The following PIEZO1 variants were observed in gnomAD, a reference collection of about 807,000 sequenced individuals.
The protein encoded by PIEZO1 is piezo type mechanosensitive ion channel component 1 (Er blood group), also known as piezo-type mechanosensitive ion channel component 1.
PIEZO1 carries 296 observed loss-of-function variants against 297.2 expected under a neutral mutation model. That is an observed-to-expected ratio of 1.00 (90% CI 0.91 to 1.10). The LOEUF (loss-of-function observed/expected upper bound fraction) is 1.10. Ranked by LOEUF, PIEZO1 falls within the 50% of genes least tolerant of loss-of-function variation. The probability of loss-of-function intolerance (pLI) is 0.00; values close to 1 mark genes in which losing one functional copy is unlikely to be tolerated. For synonymous variants in PIEZO1, 2,427 were observed against 1,507.5 expected, an observed-to-expected ratio of 1.61 and a Z score of -14.13; for missense variants, 5,018 against 3,455.5, an observed-to-expected ratio of 1.45 and a Z score of -11.34.
chr16:88,757,796 A>G (rs1368562254), intron 1 of PIEZO1, among the ~76,000 whole-genome samples: 1 of 152,118 alleles, frequency 6.6e-6, no homozygotes, highest in African/African-American at 2.4e-5. Context: ...CACCCCACAG[A>G]CAGGCGAACT....
chr16:88,726,644 C>G lies in PIEZO1; in HGVS notation c.3700-1G>C. 1.5e-6 allele frequency: 2 copies of G among 1,358,598 alleles called. No individual in the cohort carries two copies. Among genetic ancestry groups the G allele is most frequent in the East Asian group, 4.6e-5 (1 of 21,540 alleles). 84.2% of individuals were successfully genotyped at this position (1,358,598 alleles called of 1,614,324 possible). ...GCTCCACGAAGACGCAGGCCAGGAG[C>G]TGGGGGAGAGCAGGGTCAGCGGGGC... On this transcript the variant is annotated splice_acceptor_variant, in intron 25 of 50. Transcript: ENST00000301015. LOFTEE classifies it high-confidence loss of function.
intron 1 of PIEZO1, among the ~76,000 whole-genome samples, chr16:88,779,241 G>A (rs970232389): frequency 1.3e-5 from 2 of 152,046 alleles, no homozygotes; most frequent in Non-Finnish European, 2.9e-5. Context: ...GTTTTGCCAT[G>A]TTGGTCAGGC....
rs892156464 is a variant in PIEZO1 at position 88,785,068 on chromosome 16, C to A, written c.-104G>T. The A allele has an allele frequency of 1.3e-5, 8 of 612,380 alleles. No homozygotes were observed. In the African/African-American group the frequency reaches 1.6e-4, roughly 12 times the overall value. The allele number at this position is 612,380 out of a possible 1,614,324, so 37.9% of individuals were successfully genotyped here. A position where few individuals can be genotyped will look rare whatever the true frequency, so the allele number is the denominator to read the frequency against. On this transcript the variant is annotated 5_prime_UTR_variant, in exon 1 of 51. Coordinates refer to ENST00000301015, the MANE Select transcript of PIEZO1 (RefSeq NM_001142864.4). The stretch of plus-strand genomic sequence containing the variant: ...CGCGCCATGGCTGACCCGCGGGGAC[C>A]CGCGCGCCGCCTTCTCCTCTTCCTC...
chr16:88,763,649 C>T lies in PIEZO1; in HGVS notation c.65-14170G>A, dbSNP rs555821513. On this transcript the variant is annotated intron_variant, in intron 1 of 50. Transcript: ENST00000301015. Reference sequence around the variant, plus strand: ...GGTCAGGGCAGCACTGGGTAACAGCCGGTAGGTGCTCCCTGACACTCTCTG... The same window carrying T: ...GGTCAGGGCAGCACTGGGTAACAGCTGGTAGGTGCTCCCTGACACTCTCTG... Among the ~76,000 whole-genome samples, 6 of 152,298 alleles carry T rather than the reference C, an allele frequency of 3.9e-5. No individual in the cohort carries two copies. In the South Asian group the frequency reaches 6.2e-4, roughly 16 times the overall value.
chr16:88,748,292 G>A (rs1023357862), intron 2 of PIEZO1, among the ~76,000 whole-genome samples: 4 of 7,816 alleles, frequency 5.1e-4, no homozygotes, highest in Non-Finnish European at 7.9e-4. Flanking sequence ...CTCCTAAAAC[G>A]TGGGCACAAA....
In PIEZO1 at chr16:88,716,063, C is replaced by T; in HGVS notation, c.7186G>A (p.Gly2396Arg). 6.5e-7 allele frequency: 1 copy of T among 1,550,192 alleles called. No individual in the cohort carries two copies. Among genetic ancestry groups the T allele is most frequent in the Non-Finnish European group, 8.7e-7 (1 of 1,146,878 alleles). Residue 2396 changes from glycine to arginine, a missense_variant, in exon 50 of 51, where the codon GGG becomes AGG. By Grantham distance (125) the Gly-to-Arg change is moderately radical. Coordinates refer to ENST00000301015, the MANE Select transcript of PIEZO1 (RefSeq NM_001142864.4). ...RIQLRREQGA[G>R]ATGFLEWWVI... ...CACCATTCGAGGAAGCCGGTGGCCC[C>T]CGCACCCTGCTCCCTCCGCAGCTGG... is the stretch of plus-strand genomic sequence containing the variant.
chr16:88,780,386 G>C (rs949342225), intron 1 of PIEZO1, among the ~76,000 whole-genome samples: 1 of 139,326 alleles, frequency 7.2e-6, no homozygotes, highest in Non-Finnish European at 1.6e-5. Context: ...GGATGTGGGT[G>C]GGGGTAGGGG....
chr16:88,763,397 G>A (rs1907019314), intron 1 of PIEZO1, among the ~76,000 whole-genome samples: 1 of 152,218 alleles, frequency 6.6e-6, no homozygotes, highest in South Asian at 2.1e-4. Context: ...AGTAGCAGTG[G>A]GCCAGGTATG....
At chr16:88,778,274 G>T (rs572284687) in intron 1 of PIEZO1, among the ~76,000 whole-genome samples, 1 of 152,098 alleles carries the variant, frequency 6.6e-6, no homozygotes, top group Non-Finnish European at 1.5e-5. Context: ...GCCCATTTTA[G>T]CCGCCCATCC....
In PIEZO1 at chr16:88,742,679, A is replaced by G. The variant is rs1163211086; in HGVS notation, c.161-257T>C. The G allele has an allele frequency of 2.5e-5, 12 of 488,096 alleles. No individual in the cohort carries two copies. In the Admixed American group the frequency reaches 3.4e-4, roughly 14 times the overall value. 30.2% of individuals were successfully genotyped at this position (488,096 alleles called of 1,614,324 possible). ...TGGGCCTGGGGCCCACAGGCAGGAAAAGGCCTCCCAGGCTCAGAGGAAACC... is the reference window on the plus strand; with the variant it reads ...TGGGCCTGGGGCCCACAGGCAGGAAGAGGCCTCCCAGGCTCAGAGGAAACC... On this transcript the variant is annotated intron_variant, in intron 2 of 50. Coordinates refer to ENST00000301015, the MANE Select transcript of PIEZO1 (RefSeq NM_001142864.4).
In PIEZO1 at chr16:88,715,817, C is replaced by A. The variant is rs531058403; in HGVS notation, c.7354G>T (p.Gly2452Cys). 2.6e-5 allele frequency: 41 copies of A among 1,550,170 alleles called. No individual in the cohort carries two copies. Among genetic ancestry groups the A allele is most frequent in the Non-Finnish European group, 3.1e-5 (36 of 1,146,960 alleles). ...GLYVSIVLVIGKFVRGFFSEI... is the reference protein window; with the variant it reads ...GLYVSIVLVICKFVRGFFSEI... ...CTGAAGAATCCGCGCACGAACTTGCCGATGACCAGCACGATGGACACGTAC... is the reference window on the plus strand; with the variant it reads ...CTGAAGAATCCGCGCACGAACTTGCAGATGACCAGCACGATGGACACGTAC... The change falls in exon 51 of 51, where the codon GGC (glycine) becomes TGC (cysteine). Residue 2452 changes from glycine to cysteine, a missense_variant. Coordinates refer to ENST00000301015, the MANE Select transcript of PIEZO1 (RefSeq NM_001142864.4).
chr16:88,775,813 G>C (rs1907636175), intron 1 of PIEZO1, among the ~76,000 whole-genome samples: 1 of 152,080 alleles, frequency 6.6e-6, no homozygotes, highest in Non-Finnish European at 1.5e-5. Context: ...GTATGTGCAG[G>C]AGGCTGGCTG....
chr16:88,772,509 A>G (rs1051580329), intron 1 of PIEZO1, among the ~76,000 whole-genome samples: 11 of 152,188 alleles, frequency 7.2e-5, no homozygotes, highest in Admixed American at 6.5e-4. Context: ...GGCAGGGCAC[A>G]GTGGCTCACG....
intron 44 of PIEZO1, 193 bp from the exon 45 acceptor site, chr16:88,717,404 G>A (rs1567657735): frequency 6.2e-6 from 4 of 649,694 alleles, no homozygotes; most frequent in Admixed American, 4.5e-5. Flanking sequence ...CATGTTCAGG[G>A]GTCGTTGATC....
intron 1 of PIEZO1, among the ~76,000 whole-genome samples, chr16:88,781,112 T>G (rs1345240945): frequency 6.6e-6 from 1 of 152,206 alleles, no homozygotes; most frequent in Admixed American, 6.5e-5. Context: ...ACGACTGCGG[T>G]GGTCCCATCT....
chr16:88,760,387 TGA>T (rs1292844468), intron 1 of PIEZO1, among the ~76,000 whole-genome samples: 2 of 152,154 alleles, frequency 1.3e-5, no homozygotes, highest in African/African-American at 2.4e-5. Flanking sequence ...TGTCCAGCAA[TGA>T]GAGAGAAAAT....
chr16:88,723,243 G>C lies in PIEZO1; in HGVS notation c.4421C>G (p.Ala1474Gly). The C allele has an allele frequency of 6.5e-7, 1 of 1,545,802 alleles. No homozygotes were observed. Among genetic ancestry groups the C allele is most frequent in the South Asian group, 1.2e-5 (1 of 84,056 alleles). Residue 1474 changes from alanine (A) to glycine (G), a missense_variant, in exon 32 of 51, where the codon GCA (alanine) becomes GGA (glycine). Transcript: ENST00000301015. ...CAGCTCACCTGTGGGTAGCTGTCCT[G>C]CCTGTTCCTGCCTTGCCTGCTCCTG... The part of the protein sequence containing the change: ...QEQEQARQEQ[A>G]GQLPTGGGPS...
At position 88,738,297 on chromosome 16, in the gene PIEZO1, G is replaced by T; in HGVS notation, c.778C>A (p.Leu260Ile). 2.6e-6 allele frequency: 4 copies of T among 1,535,912 alleles called. No individual in the cohort carries two copies. Among genetic ancestry groups the T allele is most frequent in the Non-Finnish European group, 8.7e-7 (1 of 1,146,854 alleles). The change falls in exon 7 of 51, where the codon CTC (leucine) becomes ATC (isoleucine). Residue 260 changes from leucine to isoleucine, a missense_variant. Coordinates refer to ENST00000301015, the MANE Select transcript of PIEZO1 (RefSeq NM_001142864.4). ...ATCTGGTAGCAGTAGAGGCAGATGA[G>T]ATGGCCGGCGCCGAAGCACCCCACC... ...VAVGCFGAGHLICLYCYQMPL... is the reference protein window; with the variant it reads ...VAVGCFGAGHIICLYCYQMPL...
At chr16:88,763,275 C>G (rs1196164754) in intron 1 of PIEZO1, among the ~76,000 whole-genome samples, 1 of 152,216 alleles carries the variant, frequency 6.6e-6, no homozygotes, top group Non-Finnish European at 1.5e-5. Flanking sequence ...CTGTGAGCAG[C>G]TCCTGTGTGA....
Sources: gnomAD v4.1 joint callset for allele counts (sites outside exome capture counted in the v4.1 genomes callset) on GRCh38, gnomAD v4.1.1 for gene constraint, MANE v1.5 for transcripts, NCBI Gene and HGNC (gene_info 2026-07-23, HGNC 2026-07-21) for gene names.